Variants in RHOU observed in about 807,000 individuals in gnomAD.
RHOU encodes the protein ras homolog family member U.
A neutral mutation model predicts 12.6 loss-of-function variants in RHOU; 8 were observed. The observed-to-expected ratio is 0.64, with a 90% CI of 0.37 to 1.15. The LOEUF (loss-of-function observed/expected upper bound fraction) is 1.15. Among genes scored for constraint, RHOU ranks in the 50% most tolerant of loss-of-function variants. The pLI, the probability that RHOU is intolerant of heterozygous loss-of-function variation, is 0.01. For missense variants in RHOU, 258 were observed against 347.0 expected, an observed-to-expected ratio of 0.74 and a Z score of 2.04; for synonymous variants, 161 against 147.4, an observed-to-expected ratio of 1.09 and a Z score of -0.67.
chr1:228,687,486 A>T, the RHOU span: 12 of 1,579,310 alleles, frequency 7.6e-6, no homozygotes, highest in Non-Finnish European at 9.5e-6. Flanking sequence ...TGAGAAACTG[A>T]TGAAGCTGCA....
chr1:228,707,434 G>C, the RHOU span, among the ~76,000 whole-genome samples: 3 of 150,868 alleles, frequency 2.0e-5, no homozygotes, highest in Non-Finnish European at 4.4e-5. Flanking sequence ...GAGAGCAGTG[G>C]TTCTCCCAGC....
chr1:228,722,708 T>C, the RHOU span, among the ~76,000 whole-genome samples: 296 of 151,878 alleles, frequency 1.9e-3, 2 homozygotes, highest in African/African-American at 6.4e-3. Context: ...CTGCAACCTC[T>C]GCCTCCCAGG....
the RHOU span, among the ~76,000 whole-genome samples, chr1:228,701,878 T>C: frequency 6.6e-6 from 1 of 151,802 alleles, no homozygotes; most frequent in Admixed American, 6.6e-5. Context: ...ATATATGTAG[T>C]TTTAATTACA....
chr1:228,698,923 A>G, the RHOU span, among the ~76,000 whole-genome samples: 1 of 152,200 alleles, frequency 6.6e-6, no homozygotes, highest in African/African-American at 2.4e-5. Flanking sequence ...AGGCATATGT[A>G]AGGAAAAAAT....
chr1:228,743,154 C>T lies in RHOU; in HGVS notation c.322-131C>T. 1.2e-6 allele frequency: 1 copy of T among 849,006 alleles called. No individual in the cohort carries two copies. The highest frequency in any genetic ancestry group is 1.9e-6 in the Non-Finnish European group (1 of 528,184). The allele number at this position is 849,006 out of a possible 1,614,324, so 52.6% of individuals were successfully genotyped here. ...AAACAGTAGGATCGTTTCAAGGATGCTGGCTCTTCCTTCTAGAACCAGCGG... is the reference window on the plus strand; with the variant it reads ...AAACAGTAGGATCGTTTCAAGGATGTTGGCTCTTCCTTCTAGAACCAGCGG... On this transcript the variant is annotated intron_variant, in intron 2 of 2. Coordinates refer to ENST00000366691, the MANE Select transcript of RHOU (RefSeq NM_021205.6). This position sits in a 1 kb window ranked among gnomAD's most constrained non-coding sequence, Gnocchi z 5.1.
the RHOU span, among the ~76,000 whole-genome samples, chr1:228,707,283 T>C: frequency 1.5e-5 from 2 of 137,634 alleles, no homozygotes; most frequent in African/African-American, 5.8e-5. Context: ...TGTGTGTGTG[T>C]GTGTGTGTGT....
the RHOU span, among the ~76,000 whole-genome samples, chr1:228,696,877 T>C: frequency 2.0e-5 from 3 of 152,146 alleles, no homozygotes; most frequent in African/African-American, 7.2e-5. Context: ...TCCCACAGTA[T>C]GCCAAAAGCA....
rs151066663 is a variant in RHOU at position 228,738,524 on chromosome 1, G to A, written c.321+793G>A. On this transcript the variant is annotated intron_variant, in intron 2 of 2. Coordinates refer to ENST00000366691, the MANE Select transcript of RHOU (RefSeq NM_021205.6). This position sits in a 1 kb window ranked among gnomAD's most constrained non-coding sequence, Gnocchi z 4.2. ...ATGTTCTAGAGTTCAGCAAAGTTCC[G>A]GGGGTACTTTGTAGGCAGGTGAAAG... 9.3e-4 allele frequency among the ~76,000 whole-genome samples: 142 copies of A among 152,188 alleles called. 1 individual carries two copies. In the East Asian group the frequency reaches 0.021, roughly 22 times the overall value.
At chr1:228,730,307 C>G in the RHOU span, among the ~76,000 whole-genome samples, 7 of 152,164 alleles carry the variant, frequency 4.6e-5, no homozygotes, top group Non-Finnish European at 8.8e-5. Context: ...AGATATGGCC[C>G]TTGGAGGCTG....
chr1:228,721,210 G>A, the RHOU span, among the ~76,000 whole-genome samples: 1 of 152,162 alleles, frequency 6.6e-6, no homozygotes, highest in Admixed American at 6.5e-5. Flanking sequence ...GCTGAAGCAG[G>A]AGAATCACTT....
the RHOU span, among the ~76,000 whole-genome samples, chr1:228,707,745 G>A: frequency 1.3e-5 from 2 of 152,170 alleles, no homozygotes; most frequent in South Asian, 2.1e-4. Flanking sequence ...CTAAAAAGCA[G>A]AGTGCCTCTC....
the RHOU span, among the ~76,000 whole-genome samples, chr1:228,676,451 G>C: frequency 1.3e-5 from 2 of 152,170 alleles, no homozygotes; most frequent in African/African-American, 4.8e-5. Flanking sequence ...TTGAGGCCAA[G>C]AGTTTGAGAC....
intron 1 of RHOU, among the ~76,000 whole-genome samples, chr1:228,736,275 A>AC (rs1297566350): frequency 6.6e-6 from 1 of 151,968 alleles, no homozygotes; most frequent in Non-Finnish European, 1.5e-5. Context: ...AAAAAAAAAA[A>AC]AAAAATCTCA....
chr1:228,735,772 C>A lies in RHOU; in HGVS notation c.30C>A (p.Phe10Leu). 1 of 1,212,268 alleles carries A rather than the reference C, an allele frequency of 8.2e-7. No homozygotes were observed. Among genetic ancestry groups the A allele is most frequent in the South Asian group, 4.1e-5 (1 of 24,324 alleles). 75.1% of individuals were successfully genotyped at this position (1,212,268 alleles called of 1,614,324 possible). The change falls in exon 1 of 3, where the codon TTC becomes TTA. Residue 10 changes from phenylalanine (F) to leucine (L), a missense_variant. Physicochemically the swap from Phe to Leu is conservative, Grantham distance 22. Coordinates refer to ENST00000366691, the MANE Select transcript of RHOU (RefSeq NM_021205.6). The surrounding 1 kb of genome is among the most constrained non-coding windows in gnomAD (Gnocchi z 8.1). MPPQQGDPAFPDRCEAPPVP... is the reference protein window; with the variant it reads MPPQQGDPALPDRCEAPPVP... ...CCCCGCAGCAGGGGGACCCCGCGTT[C>A]CCCGACCGCTGCGAGGCGCCTCCGG...
At chr1:228,719,749 A>C in the RHOU span, among the ~76,000 whole-genome samples, 1 of 152,018 alleles carries the variant, frequency 6.6e-6, no homozygotes, top group East Asian at 1.9e-4. Flanking sequence ...CAAAAAACAT[A>C]CAAGCAAACA....
chr1:228,661,320 G>T, the RHOU span, among the ~76,000 whole-genome samples: 1 of 152,056 alleles, frequency 6.6e-6, no homozygotes, highest in Admixed American at 6.6e-5. Context: ...TAACAGAATT[G>T]GAAAAAACTA....
chr1:228,658,121 A>T, the RHOU span, among the ~76,000 whole-genome samples: 1 of 151,944 alleles, frequency 6.6e-6, no homozygotes, highest in South Asian at 2.1e-4. Flanking sequence ...CTCTACAAAA[A>T]ATACAAAAAT....
intron 2 of RHOU, among the ~76,000 whole-genome samples, chr1:228,741,708 A>T (rs957186550): frequency 6.6e-6 from 1 of 152,222 alleles, no homozygotes; most frequent in Admixed American, 6.5e-5. Context: ...GGGTCTTGGT[A>T]TGTCACCCAG....
the RHOU span, among the ~76,000 whole-genome samples, chr1:228,706,751 G>A: frequency 1.8e-3 from 267 of 151,956 alleles, no homozygotes; most frequent in African/African-American, 6.1e-3. Flanking sequence ...ACTAGTTATC[G>A]TTTGTTTATA....
Sources: allele counts gnomAD v4.1 joint callset (sites outside exome capture counted in the v4.1 genomes callset), GRCh38; gene constraint gnomAD v4.1.1; non-coding constraint Gnocchi (gnomAD v3.1); transcripts MANE v1.5; gene names NCBI Gene and HGNC (gene_info 2026-07-23, HGNC 2026-07-21).